The following MGAT4A variants were observed in gnomAD, a reference collection of about 807,000 sequenced individuals.
The protein encoded by MGAT4A is N-acetylglucosaminyltransferase IVa.
In MGAT4A, 33 loss-of-function variants were observed where a neutral mutation model predicts 74.1. That is an observed-to-expected ratio of 0.45 (90% CI 0.34 to 0.60). The LOEUF (loss-of-function observed/expected upper bound fraction) is 0.60, where lower values mean the gene tolerates loss of function less well. Among genes scored for constraint, MGAT4A ranks in the 20% least tolerant of loss-of-function variants. The pLI is 0.02. For synonymous variants in MGAT4A, 198 were observed against 210.4 expected (o/e 0.94, Z 0.51); for missense variants, 479 against 628.3 (o/e 0.76, Z 2.54).
At chr2:98,652,471 CT>C (rs1411621460) in intron 8 of MGAT4A, among the ~76,000 whole-genome samples, 8 of 151,910 alleles carry the variant, frequency 5.3e-5, no homozygotes, top group Admixed American at 1.3e-4. Context: ...GCTGGGACTA[CT>C]AGGCGCCCGC....
Position 98,658,243 on chromosome 2 carries a change from C to G in MGAT4A, c.559G>C (p.Gly187Arg). Residue 187 changes from glycine (G) to arginine (R), a missense_variant, in exon 6 of 16, where the codon GGT becomes CGT. By Grantham distance (125) the Gly-to-Arg change is moderately radical. This residue lies in a region of MGAT4A where 205 missense variants were observed against 232.7 expected (regional missense o/e 0.88). Transcript: ENST00000393487. ...IGETDIDYVH[G>R]VVANLEKEFS... ...TCTTTCTCCAGGTTGGCTACAACAC[C>G]ATGTACATAATCAATATCTGTCTGG... 6.4e-7 allele frequency: 1 copy of G among 1,569,474 alleles called. No homozygotes were observed. Among genetic ancestry groups the G allele is most frequent in the South Asian group, 1.2e-5 (1 of 84,966 alleles).
intron 13 of MGAT4A, among the ~76,000 whole-genome samples, chr2:98,635,903 A>T (rs1701311682): frequency 6.6e-6 from 1 of 150,846 alleles, no homozygotes; most frequent in Non-Finnish European, 1.5e-5. Context: ...CAGGAGAATC[A>T]CTTGAACCTG....
chr2:98,657,299 C>T (rs995493148), intron 6 of MGAT4A, among the ~76,000 whole-genome samples: 1 of 152,150 alleles, frequency 6.6e-6, no homozygotes, highest in Non-Finnish European at 1.5e-5. Context: ...TTTGTCTGAG[C>T]TTGGTTTTCT....
rs575851790 is a variant in MGAT4A at position 98,636,331 on chromosome 2, T to C, written c.1401+186A>G. The stretch of plus-strand genomic sequence containing the variant: ...GATAAAACAAAATGAAGGCTCTTTC[T>C]ATGAATGGGTCAAATGCACTCGTCA... On this transcript the variant is annotated intron_variant, in intron 13 of 15. Coordinates refer to ENST00000393487, the MANE Select transcript of MGAT4A (RefSeq NM_012214.3). 1.1e-4 allele frequency among the ~76,000 whole-genome samples: 17 copies of C among 152,264 alleles called. No individual in the cohort carries two copies. In the East Asian group the frequency reaches 2.1e-3, roughly 19 times the overall value.
intron 14 of MGAT4A, among the ~76,000 whole-genome samples, chr2:98,633,298 AG>A (rs1331308478): frequency 6.6e-6 from 1 of 152,166 alleles, no homozygotes; most frequent in African/African-American, 2.4e-5. Flanking sequence ...CTGGCAGGAG[AG>A]TCCAGTGTTC....
At chr2:98,638,337 T>C (rs1701354542) in intron 12 of MGAT4A, among the ~76,000 whole-genome samples, 1 of 152,210 alleles carries the variant, frequency 6.6e-6, no homozygotes. Flanking sequence ...TATACACATA[T>C]AATGCCATAA....
intron 4 of MGAT4A, among the ~76,000 whole-genome samples, chr2:98,669,603 C>A (rs1464725306): frequency 6.6e-6 from 1 of 152,084 alleles, no homozygotes; most frequent in Non-Finnish European, 1.5e-5. Flanking sequence ...TTAGCTTAAA[C>A]CAGGGTATTC....
chr2:98,623,289 C>A lies in MGAT4A; in HGVS notation c.*2277G>T. Reference sequence around the variant, plus strand: ...TGAAAACAGGAAAAAGCTAGCCAGGCAGGCTGTCTTTAAAGAAGTTGTAAC... The same window carrying A: ...TGAAAACAGGAAAAAGCTAGCCAGGAAGGCTGTCTTTAAAGAAGTTGTAAC... On this transcript the variant is annotated 3_prime_UTR_variant, in exon 16 of 16. Transcript: ENST00000393487. 1.0e-6 allele frequency: 1 copy of A among 985,448 alleles called. No homozygotes were observed. The highest frequency in any genetic ancestry group is 1.2e-6 in the Non-Finnish European group (1 of 829,948). 61.0% of individuals were successfully genotyped at this position (985,448 alleles called of 1,614,324 possible).
chr2:98,725,781 T>C (rs923955991), intron 2 of MGAT4A, among the ~76,000 whole-genome samples: 11 of 152,246 alleles, frequency 7.2e-5, no homozygotes, highest in Admixed American at 1.3e-4. Context: ...TGTCAATGCA[T>C]GCAGTTTAAA....
chr2:98,655,669 G>C (rs758056923), intron 7 of MGAT4A, 149 bp from the exon 8 acceptor site: 3 of 532,596 alleles, frequency 5.6e-6, no homozygotes, highest in South Asian at 5.9e-5. Flanking sequence ...CACTTAGGAC[G>C]AAGAGTCAAA....
At chr2:98,633,624 T>C (rs1701274976) in intron 14 of MGAT4A, among the ~76,000 whole-genome samples, 1 of 152,252 alleles carries the variant, frequency 6.6e-6, no homozygotes, top group African/African-American at 2.4e-5. Context: ...TCTTTAGTTC[T>C]GTTCTGTTTG....
At chr2:98,639,290 A>C (rs995611427) in intron 12 of MGAT4A, among the ~76,000 whole-genome samples, 2 of 152,196 alleles carry the variant, frequency 1.3e-5, no homozygotes, top group Non-Finnish European at 2.9e-5. Flanking sequence ...TCTCAAAAAA[A>C]AAAAAGGAAG....
intron 8 of MGAT4A, among the ~76,000 whole-genome samples, chr2:98,648,608 G>A (rs534331595): frequency 4.6e-5 from 7 of 151,398 alleles, no homozygotes; most frequent in South Asian, 2.1e-4. Flanking sequence ...GGCCCCAGCC[G>A]CACAGGAGGC....
At chr2:98,640,312 A>C in intron 10 of MGAT4A, 84 bp from the exon 11 acceptor site, 4 of 1,166,224 alleles carry the variant, frequency 3.4e-6, no homozygotes, top group Non-Finnish European at 4.9e-6. Flanking sequence ...TCCTTTATTA[A>C]AATATTGAAA....
chr2:98,625,384 G>T lies in MGAT4A; in HGVS notation c.*182C>A, dbSNP rs887965985. 14 of 1,419,742 alleles carry T rather than the reference G, an allele frequency of 9.9e-6. No individual in the cohort carries two copies. Among genetic ancestry groups the T allele is most frequent in the Non-Finnish European group, 1.0e-5 (11 of 1,087,808 alleles). 87.9% of individuals were successfully genotyped at this position (1,419,742 alleles called of 1,614,324 possible). A position where few individuals can be genotyped will look rare whatever the true frequency, so the allele number is the denominator to read the frequency against. On this transcript the variant is annotated 3_prime_UTR_variant, in exon 16 of 16. Coordinates refer to ENST00000393487, the MANE Select transcript of MGAT4A (RefSeq NM_012214.3). ...TGAGTCAAGTTAAAATCTGAGGACA[G>T]CTTAGTTTCAAACAAATACAATTAT...
chr2:98,621,001 T>G lies in MGAT4A; in HGVS notation c.*4565A>C, dbSNP rs1701053655. The stretch of plus-strand genomic sequence containing the variant: ...AAGGTCCAGGTACATGACTTGCTAC[T>G]AAAGACTTTATTCATGCATTTACCA... On this transcript the variant is annotated 3_prime_UTR_variant, in exon 16 of 16. Transcript: ENST00000393487. 6.5e-6 allele frequency: 1 copy of G among 153,948 alleles called. No individual in the cohort carries two copies. The highest frequency in any genetic ancestry group is 6.5e-5 in the Admixed American group (1 of 15,370). 9.5% of individuals were successfully genotyped at this position (153,948 alleles called of 1,614,324 possible).
rs753689064 is a variant in MGAT4A at position 98,644,029 on chromosome 2, A to G, written c.914T>C (p.Leu305Pro). Residue 305 changes from leucine to proline, a missense_variant, in exon 10 of 16, where the codon CTT (leucine) becomes CCT (proline). Leu to Pro is a moderately conservative substitution (Grantham distance 98). Coordinates refer to ENST00000393487, the MANE Select transcript of MGAT4A (RefSeq NM_012214.3). ...FIGKMFQAPD[L>P]TLIVEFIFMF... ...GAATATGAATTCTACAATCAGAGTA[A>G]GATCCGGCGCTTGAAACATTTTACC... The G allele has an allele frequency of 1.9e-6, 3 of 1,597,088 alleles. No individual in the cohort carries two copies. The Admixed American group carries it at 5.1e-5, about 27-fold the overall frequency.
chr2:98,711,693 T>C (rs574130972), intron 2 of MGAT4A, among the ~76,000 whole-genome samples: 55 of 152,260 alleles, frequency 3.6e-4, no homozygotes, highest in African/African-American at 1.3e-3. Flanking sequence ...AGTACCACGT[T>C]AGCCTCAATC....
chr2:98,680,040 C>CTTTTTTTTTTT (rs778595164), intron 2 of MGAT4A, among the ~76,000 whole-genome samples: 5 of 131,054 alleles, frequency 3.8e-5, no homozygotes, highest in Non-Finnish European at 8.1e-5. Context: ...CTTAGAAAGG[C>CTTTTTTTTTTT]TTTTTTTTTT....
Sources: gnomAD v4.1 joint callset for allele counts (sites outside exome capture counted in the v4.1 genomes callset) on GRCh38, gnomAD v4.1.1 for gene constraint, gnomAD v4.1.1 regional missense constraint, MANE v1.5 for transcripts, NCBI Gene and HGNC (gene_info 2026-07-23, HGNC 2026-07-21) for gene names.